Variants in ARB2A observed in about 807,000 individuals in gnomAD.
The protein encoded by ARB2A is cotranscriptional regulator ARB2A.
At chr5:93,851,933 T>A in the ARB2A span, among the ~76,000 whole-genome samples, 1 of 152,216 alleles carries the variant, frequency 6.6e-6, no homozygotes, top group South Asian at 2.1e-4. Flanking sequence ...TGTGTCTTTA[T>A]AGCAGCATGA....
the ARB2A span, among the ~76,000 whole-genome samples, chr5:93,944,964 TC>T: frequency 1.3e-5 from 2 of 152,108 alleles, no homozygotes; most frequent in African/African-American, 4.8e-5. Flanking sequence ...GCACCAGTTA[TC>T]TTGGAAAACC....
At chr5:93,813,038 A>G in the ARB2A span, among the ~76,000 whole-genome samples, 54 of 152,278 alleles carry the variant, frequency 3.5e-4, no homozygotes, top group African/African-American at 1.2e-3. Flanking sequence ...CTATAGGCAA[A>G]CCAAGAAGGC....
chr5:93,654,626 C>T, the ARB2A span, among the ~76,000 whole-genome samples: 10 of 152,094 alleles, frequency 6.6e-5, no homozygotes, highest in Non-Finnish European at 1.2e-4. Context: ...TAGTTAATTG[C>T]TAATGTCTGT....
chr5:93,854,041 C>T, the ARB2A span, among the ~76,000 whole-genome samples: 72 of 152,250 alleles, frequency 4.7e-4, 1 homozygote, highest in East Asian at 0.01. Context: ...GGTACCAGTT[C>T]CTCCTTGTAC....
chr5:93,762,515 G>C, the ARB2A span, among the ~76,000 whole-genome samples: 1 of 152,176 alleles, frequency 6.6e-6, no homozygotes, highest in Non-Finnish European at 1.5e-5. Context: ...AGAGTAAAAA[G>C]AAATGAACAA....
At chr5:93,805,284 GC>G in the ARB2A span, 1 of 985,026 alleles carries the variant, frequency 1.0e-6, no homozygotes, top group Non-Finnish European at 1.2e-6. Flanking sequence ...TAGCTTGAAA[GC>G]TTTTTGGCAA....
the ARB2A span, among the ~76,000 whole-genome samples, chr5:93,640,936 T>C: frequency 6.6e-6 from 1 of 152,054 alleles, no homozygotes; most frequent in African/African-American, 2.4e-5. Context: ...GTGTGGTGGT[T>C]CACGCCTGTA....
the ARB2A span, among the ~76,000 whole-genome samples, chr5:93,829,383 T>C: frequency 6.6e-6 from 1 of 152,172 alleles, no homozygotes; most frequent in Non-Finnish European, 1.5e-5. Context: ...TACCACCTTC[T>C]ACTGCATACT....
the ARB2A span, among the ~76,000 whole-genome samples, chr5:94,070,637 A>G: frequency 6.6e-6 from 1 of 152,098 alleles, no homozygotes; most frequent in Non-Finnish European, 1.5e-5. Context: ...TAAAACAAAG[A>G]GAATGAAAAG....
chr5:94,069,430 A>G, the ARB2A span, among the ~76,000 whole-genome samples: 1 of 152,204 alleles, frequency 6.6e-6, no homozygotes, highest in Non-Finnish European at 1.5e-5. Context: ...AAAAAAGACA[A>G]ATGGGACTAC....
At chr5:94,043,518 C>CT in the ARB2A span, among the ~76,000 whole-genome samples, 1 of 152,196 alleles carries the variant, frequency 6.6e-6, no homozygotes, top group Non-Finnish European at 1.5e-5. Context: ...ACTGGAAAAA[C>CT]TGGTTATTTT....
the ARB2A span, among the ~76,000 whole-genome samples, chr5:94,004,596 A>AT: frequency 2.5e-4 from 38 of 150,726 alleles, no homozygotes; most frequent in Middle Eastern, 6.8e-3. Context: ...AAAAAAAAAA[A>AT]TTTTTTTTTG....
At chr5:93,774,053 G>A in the ARB2A span, among the ~76,000 whole-genome samples, 2 of 152,182 alleles carry the variant, frequency 1.3e-5, no homozygotes, top group Admixed American at 6.6e-5. Context: ...TGGAATTACA[G>A]GTATGAGCCA....
chr5:94,031,556 T>C, the ARB2A span, among the ~76,000 whole-genome samples: 3 of 152,138 alleles, frequency 2.0e-5, no homozygotes, highest in African/African-American at 7.2e-5. Context: ...CAAAAATAAT[T>C]GGAAAATTCC....
At chr5:93,764,323 G>C in the ARB2A span, among the ~76,000 whole-genome samples, 1 of 151,574 alleles carries the variant, frequency 6.6e-6, no homozygotes, top group African/African-American at 2.4e-5. Context: ...AAGAAGGAAA[G>C]AGAGAAGAAT....
the ARB2A span, among the ~76,000 whole-genome samples, chr5:94,069,293 GGATTAAAGATTTAAATGTAA>G: frequency 2.0e-5 from 3 of 152,070 alleles, no homozygotes; most frequent in South Asian, 6.2e-4. Flanking sequence ...AACTCAAGAT[GGATTAAAGATTTAAATGTAA>G]GACCTGAAAT....
chr5:93,803,381 A>G, the ARB2A span, among the ~76,000 whole-genome samples: 1 of 152,014 alleles, frequency 6.6e-6, no homozygotes, highest in African/African-American at 2.4e-5. Context: ...TTATTAATAT[A>G]GGCATAAAGT....
At chr5:93,794,146 CTGAGT>C in the ARB2A span, among the ~76,000 whole-genome samples, 1 of 151,960 alleles carries the variant, frequency 6.6e-6, no homozygotes, top group Admixed American at 6.6e-5. Context: ...CTTTGACACA[CTGAGT>C]TAATTCGAAA....
chr5:93,931,280 C>T, the ARB2A span, among the ~76,000 whole-genome samples: 1 of 152,098 alleles, frequency 6.6e-6, no homozygotes, highest in African/African-American at 2.4e-5. Flanking sequence ...AGCCTGACAA[C>T]ATGATGAAAC....
Sources: gnomAD v4.1 joint callset for allele counts (sites outside exome capture counted in the v4.1 genomes callset) on GRCh38, gnomAD v4.1.1 for gene constraint, MANE v1.5 for transcripts, NCBI Gene and HGNC (gene_info 2026-07-23, HGNC 2026-07-21) for gene names.